The following PRKCB variants were observed in gnomAD, a reference collection of about 807,000 sequenced individuals.
PRKCB encodes protein kinase C beta, also known as protein kinase C beta type.
In PRKCB, 13 loss-of-function variants were observed where a neutral mutation model predicts 81.5. That is an observed-to-expected ratio of 0.16 (90% CI 0.10 to 0.25). The LOEUF (loss-of-function observed/expected upper bound fraction) is 0.25, where lower values mean the gene tolerates loss of function less well. Ranked by LOEUF, PRKCB falls within the 10% of genes least tolerant of loss-of-function variation. The pLI is 1.00. For synonymous variants in PRKCB, 335 were observed against 321.4 expected (o/e 1.04, Z -0.45); for missense variants, 509 against 875.7 (o/e 0.58, Z 5.29).
intron 10 of PRKCB, among the ~76,000 whole-genome samples, chr16:24,161,125 A>G (rs1422349837): frequency 1.3e-5 from 2 of 152,212 alleles, no homozygotes; most frequent in African/African-American, 4.8e-5. Flanking sequence ...AAAAAATCTC[A>G]AAAGTGGCCA....
At chr16:23,875,508 A>ACACACG (rs1567298330) in intron 2 of PRKCB, among the ~76,000 whole-genome samples, 9 of 59,108 alleles carry the variant, frequency 1.5e-4, no homozygotes, top group Non-Finnish European at 3.3e-4. Flanking sequence ...TATATATATG[A>ACACACG]TGTATATCAC....
chr16:24,195,957 C>T (rs912044393), intron 16 of PRKCB, among the ~76,000 whole-genome samples: 15 of 152,174 alleles, frequency 9.9e-5, no homozygotes, highest in Admixed American at 9.8e-4. Context: ...GAAGCCCTTT[C>T]CTATGCTCTC....
At chr16:24,028,962 T>A (rs1392927586) in intron 3 of PRKCB, among the ~76,000 whole-genome samples, 3 of 152,098 alleles carry the variant, frequency 2.0e-5, no homozygotes, top group Non-Finnish European at 4.4e-5. Context: ...TGCTAATTTT[T>A]GTATTTTTAA....
chr16:24,133,665 G>A (rs900436366), intron 9 of PRKCB, among the ~76,000 whole-genome samples: 1 of 152,178 alleles, frequency 6.6e-6, no homozygotes, highest in African/African-American at 2.4e-5. Context: ...TCATTGACAA[G>A]GACCATGCCA....
chr16:23,851,200 T>C (rs1381625699), intron 2 of PRKCB, among the ~76,000 whole-genome samples: 2 of 152,226 alleles, frequency 1.3e-5, no homozygotes, highest in African/African-American at 4.8e-5. Context: ...TGTTTTTCTC[T>C]AGCAGTTTTA....
intron 3 of PRKCB, among the ~76,000 whole-genome samples, chr16:24,012,471 G>T (rs904931208): frequency 6.6e-6 from 1 of 152,144 alleles, no homozygotes; most frequent in Non-Finnish European, 1.5e-5. Context: ...AACCCTCTCT[G>T]GACAAGTAGC....
At chr16:24,108,333 A>AT (rs199984593) in intron 7 of PRKCB, among the ~76,000 whole-genome samples, 2,889 of 134,844 alleles carry the variant, frequency 0.021, 99 homozygotes, top group African/African-American at 0.077. Flanking sequence ...TTTTTATTTT[A>AT]TTTTTTTTTA....
chr16:24,086,845 C>T (rs984617470), intron 5 of PRKCB, among the ~76,000 whole-genome samples: 3 of 151,986 alleles, frequency 2.0e-5, no homozygotes, highest in Non-Finnish European at 4.4e-5. Flanking sequence ...CATATATGAC[C>T]TTGTAGAAAA....
chr16:24,191,317 G>T, intron 16 of PRKCB, 87 bp downstream of exon 16: 1 of 1,486,922 alleles, frequency 6.7e-7, no homozygotes, highest in African/African-American at 1.4e-5. Context: ...GCTCCCTGAG[G>T]GGTAGACGTC....
At chr16:23,913,536 G>C (rs1963693253) in intron 2 of PRKCB, among the ~76,000 whole-genome samples, 1 of 152,168 alleles carries the variant, frequency 6.6e-6, no homozygotes, top group African/African-American at 2.4e-5. Context: ...TTGTAGAAGT[G>C]GGAAAGCCAA....
chr16:23,954,009 C>T (rs548212069), intron 2 of PRKCB, among the ~76,000 whole-genome samples: 3 of 152,042 alleles, frequency 2.0e-5, no homozygotes, highest in Admixed American at 2.0e-4. Context: ...GCTGAGATTA[C>T]AGGCACCCAC....
At chr16:24,121,551 C>CT (rs1006393825) in intron 8 of PRKCB, among the ~76,000 whole-genome samples, 191 of 151,608 alleles carry the variant, frequency 1.3e-3, no homozygotes, top group African/African-American at 4.4e-3. Flanking sequence ...GCTAATTAAA[C>CT]TTTTTTTTTG....
chr16:23,920,646 G>A (rs1167323165), intron 2 of PRKCB, among the ~76,000 whole-genome samples: 1 of 152,202 alleles, frequency 6.6e-6, no homozygotes, highest in Non-Finnish European at 1.5e-5. Flanking sequence ...TGGGAGCAGA[G>A]AGTGGCATTC....
intron 5 of PRKCB, among the ~76,000 whole-genome samples, chr16:24,038,811 G>T (rs1358831092): frequency 1.3e-5 from 2 of 152,198 alleles, no homozygotes; most frequent in Non-Finnish European, 2.9e-5. Context: ...CTTCAGCCTG[G>T]TATCTGGTGG....
intron 2 of PRKCB, among the ~76,000 whole-genome samples, chr16:23,936,419 G>A (rs1964058239): frequency 6.6e-6 from 1 of 151,744 alleles, no homozygotes; most frequent in East Asian, 1.9e-4. Context: ...TAGATGTAGA[G>A]TATATATATA....
At position 24,191,174 on chromosome 16, in the gene PRKCB, A is replaced by G; in HGVS notation, c.1807A>G (p.Ile603Val). Residue 603 changes from isoleucine (I) to valine (V), a missense_variant, in exon 16 of 17, where the codon ATT becomes GTT. Coordinates refer to ENST00000643927, the MANE Select transcript of PRKCB (RefSeq NM_002738.7). ...CAAAGAGCATGCATTTTTCCGGTAT[A>G]TTGATTGGGAGAAACTTGAACGCAA... is the stretch of plus-strand genomic sequence containing the variant. The part of the protein sequence containing the change: ...DIKEHAFFRY[I>V]DWEKLERKEI... The G allele has an allele frequency of 6.2e-7, 1 of 1,614,148 alleles. No homozygotes were observed. The highest frequency in any genetic ancestry group is 1.1e-5 in the South Asian group (1 of 91,076).
intron 2 of PRKCB, among the ~76,000 whole-genome samples, chr16:23,957,563 A>C (rs967980106): frequency 6.6e-6 from 1 of 152,162 alleles, no homozygotes; most frequent in Non-Finnish European, 1.5e-5. Context: ...CAGTGCCCTT[A>C]TTCCCACGTG....
intron 2 of PRKCB, among the ~76,000 whole-genome samples, chr16:23,975,778 C>T (rs1964617440): frequency 6.6e-6 from 1 of 152,132 alleles, no homozygotes; most frequent in Admixed American, 6.5e-5. Context: ...ACGTACGAAG[C>T]ACAAGAGAAA....
At chr16:24,114,303 A>G (rs1264067647) in intron 8 of PRKCB, among the ~76,000 whole-genome samples, 1 of 150,838 alleles carries the variant, frequency 6.6e-6, no homozygotes, top group African/African-American at 2.4e-5. Context: ...GAGAAGTGAT[A>G]TATTTTGGAG....
Sources: allele counts gnomAD v4.1 joint callset (sites outside exome capture counted in the v4.1 genomes callset), GRCh38; gene constraint gnomAD v4.1.1; transcripts MANE v1.5; gene names NCBI Gene and HGNC (gene_info 2026-07-23, HGNC 2026-07-21).